The following LRMDA variants were observed in gnomAD, a reference collection of about 807,000 sequenced individuals.
The protein encoded by LRMDA is leucine rich melanocyte differentiation associated.
A neutral mutation model predicts 29.8 loss-of-function variants in LRMDA; 18 were observed. The observed-to-expected ratio is 0.60, with a 90% CI of 0.42 to 0.90. LRMDA has a LOEUF of 0.90. LRMDA is among the 40% of genes least tolerant of loss of function. The pLI, the probability that LRMDA is intolerant of heterozygous loss-of-function variation, is 0.00. For missense variants in LRMDA, 273 were observed against 273.9 expected, an observed-to-expected ratio of 1.00 and a Z score of 0.02; for synonymous variants, 125 against 109.4, an observed-to-expected ratio of 1.14 and a Z score of -0.89.
intron 2 of LRMDA, among the ~76,000 whole-genome samples, chr10:75,706,521 G>A (rs1468535466): frequency 6.6e-6 from 1 of 152,186 alleles, no homozygotes; most frequent in Non-Finnish European, 1.5e-5. Flanking sequence ...GAGGCCTTAT[G>A]AGGATCAAAA....
chr10:76,272,674 G>T (rs1021768358), intron 5 of LRMDA, among the ~76,000 whole-genome samples: 6 of 152,076 alleles, frequency 3.9e-5, no homozygotes, highest in Non-Finnish European at 7.4e-5. Context: ...GTATTAGTTT[G>T]TTCTCACACT....
rs1241087730 is a variant in LRMDA, at chr10:75,965,625, C to T, written c.132-70383C>T. Among the ~76,000 whole-genome samples the T allele has an allele frequency of 1.3e-5, 2 of 152,116 alleles. 1 individual carries two copies. Among genetic ancestry groups the T allele is most frequent in the Admixed American group, 1.3e-4 (2 of 15,268 alleles). On this transcript the variant is annotated intron_variant, in intron 2 of 6. Transcript: ENST00000611255. ...AAAAACCAAAACTCTACTTGTTGGG[C>T]TCTGTGGTGCTGTTATGGCTTGGCC...
chr10:75,880,246 G>A (rs1386597985), intron 2 of LRMDA, among the ~76,000 whole-genome samples: 1 of 152,176 alleles, frequency 6.6e-6, no homozygotes, highest in Non-Finnish European at 1.5e-5. Context: ...GAGTGCTTTA[G>A]TTAATTCCAC....
chr10:76,244,736 C>A (rs1207421344), intron 5 of LRMDA, among the ~76,000 whole-genome samples: 4 of 152,090 alleles, frequency 2.6e-5, no homozygotes, highest in Non-Finnish European at 5.9e-5. Context: ...TGCTTGATGT[C>A]TTTAGTTCAT....
At chr10:76,036,632 G>A (rs1848251971) in intron 3 of LRMDA, among the ~76,000 whole-genome samples, 1 of 152,214 alleles carries the variant, frequency 6.6e-6, no homozygotes, top group African/African-American at 2.4e-5. Flanking sequence ...TAAGGTGGCA[G>A]AGACATGTGA....
intron 2 of LRMDA, among the ~76,000 whole-genome samples, chr10:75,934,968 T>C (rs1050332212): frequency 6.6e-6 from 1 of 152,190 alleles, no homozygotes; most frequent in Non-Finnish European, 1.5e-5. Context: ...GCTTTTTTCA[T>C]GGCAGGAGGG....
intron 6 of LRMDA, among the ~76,000 whole-genome samples, chr10:76,438,194 G>A (rs988625468): frequency 3.9e-5 from 6 of 152,126 alleles, no homozygotes; most frequent in Admixed American, 1.3e-4. Flanking sequence ...TATAAGCAGC[G>A]GGTCAGGGCC....
chr10:75,785,554 G>T lies in LRMDA; in HGVS notation c.132-250454G>T, dbSNP rs111896161. ...GCAATGCTCTTGGGCTGCAGGAGTG[G>T]TAAAATTGTGCTGTTAGATTCGTTC... On this transcript the variant is annotated intron_variant, in intron 2 of 6. Transcript: ENST00000611255. Among the ~76,000 whole-genome samples the T allele has an allele frequency of 1.0e-2, 1,516 of 152,310 alleles. 23 individuals are homozygous for T. The highest frequency in any genetic ancestry group is 0.034 in the African/African-American group (1,425 of 41,556).
At chr10:76,525,051 A>G (rs562691685) in intron 6 of LRMDA, among the ~76,000 whole-genome samples, 1 of 152,316 alleles carries the variant, frequency 6.6e-6, no homozygotes, top group Admixed American at 6.5e-5. Context: ...GGCACATTCA[A>G]TGGCAGGGCT....
At chr10:75,824,980 G>A (rs549762398) in intron 2 of LRMDA, among the ~76,000 whole-genome samples, 4 of 152,300 alleles carry the variant, frequency 2.6e-5, no homozygotes, top group South Asian at 2.1e-4. Context: ...GACCCAAGAG[G>A]TTTCATCATC....
intron 5 of LRMDA, among the ~76,000 whole-genome samples, chr10:76,190,669 T>C (rs553027633): frequency 7.9e-5 from 12 of 152,300 alleles, no homozygotes; most frequent in African/African-American, 2.2e-4. Context: ...GGTGGCAATA[T>C]AGAAATGCAT....
rs74148421 is a variant in LRMDA, at chr10:76,323,209, C to A, written c.517-1192C>A. On this transcript the variant is annotated intron_variant, in intron 5 of 6. Coordinates refer to ENST00000611255, the MANE Select transcript of LRMDA (RefSeq NM_001305581.2). Reference sequence around the variant, plus strand: ...TGATTTTGCTCCACTCACACTCTTCCTGTAAGTCTCCACTGAAAGCCGCTT... The same window carrying A: ...TGATTTTGCTCCACTCACACTCTTCATGTAAGTCTCCACTGAAAGCCGCTT... 4.3e-3 allele frequency among the ~76,000 whole-genome samples: 648 copies of A among 152,214 alleles called. 7 individuals are homozygous for A. The highest frequency in any genetic ancestry group is 0.015 in the African/African-American group (627 of 41,520).
At chr10:75,977,510 G>A (rs550169433) in intron 2 of LRMDA, among the ~76,000 whole-genome samples, 54 of 152,144 alleles carry the variant, frequency 3.5e-4, no homozygotes, top group South Asian at 3.5e-3. Flanking sequence ...TCTTCTTTTT[G>A]GACATCTTTT....
intron 6 of LRMDA, among the ~76,000 whole-genome samples, chr10:76,443,324 C>T (rs1842322779): frequency 6.6e-6 from 1 of 152,202 alleles, no homozygotes; most frequent in Admixed American, 6.6e-5. Flanking sequence ...AATAGCCATC[C>T]TTCCATTGAC....
At chr10:75,555,343 A>G (rs991701617) in intron 2 of LRMDA, among the ~76,000 whole-genome samples, 7 of 152,168 alleles carry the variant, frequency 4.6e-5, no homozygotes, top group Non-Finnish European at 1.0e-4. Flanking sequence ...ACTTGATAGA[A>G]AATATGTATC....
At chr10:75,760,891 T>G (rs544114796) in intron 2 of LRMDA, among the ~76,000 whole-genome samples, 1 of 152,202 alleles carries the variant, frequency 6.6e-6, no homozygotes, top group East Asian at 1.9e-4. Context: ...TGAGTCACAT[T>G]GTGAGCTGTG....
intron 6 of LRMDA, among the ~76,000 whole-genome samples, chr10:76,533,563 G>C (rs781480149): frequency 1.1e-4 from 17 of 152,100 alleles, no homozygotes; most frequent in Non-Finnish European, 2.9e-5. Context: ...AATTAACGGA[G>C]GCTCTTTGGA....
At position 75,859,644 on chromosome 10, in the gene LRMDA, CACAT is replaced by C. The variant is rs1439655250; in HGVS notation, c.132-176359_132-176356del. Among the ~76,000 whole-genome samples the C allele has an allele frequency of 8.4e-3, 1,048 of 125,096 alleles. 11 individuals are homozygous for C. The highest frequency in any genetic ancestry group is 0.026 in the African/African-American group (753 of 29,174). 82.1% of individuals were successfully genotyped at this position (125,096 alleles called of 152,430 possible). On this transcript the variant is annotated intron_variant, in intron 2 of 6. Coordinates refer to ENST00000611255, the MANE Select transcript of LRMDA (RefSeq NM_001305581.2). ...ACACACACACACACACACACACACA[CACAT>C]ACATCTGGCCTCGATGCCTCATACA...
chr10:76,476,472 C>A (rs924013950), intron 6 of LRMDA, among the ~76,000 whole-genome samples: 12 of 152,100 alleles, frequency 7.9e-5, no homozygotes, highest in African/African-American at 2.7e-4. Context: ...ACCAGAGTTA[C>A]AAGGAGGAGC....
Sources: allele counts gnomAD v4.1 joint callset (sites outside exome capture counted in the v4.1 genomes callset), GRCh38; gene constraint gnomAD v4.1.1; transcripts MANE v1.5; gene names NCBI Gene and HGNC (gene_info 2026-07-23, HGNC 2026-07-21).